The following SH3GL2 variants were observed in gnomAD, a reference collection of about 807,000 sequenced individuals.
The protein encoded by SH3GL2 is endophilin-A1.
In SH3GL2, 24 loss-of-function variants were observed where a neutral mutation model predicts 46.0. The ratio of observed to expected loss-of-function variants is 0.52; its 90% CI spans 0.38 to 0.73. The LOEUF is 0.73. Among genes scored for constraint, SH3GL2 ranks in the 30% least tolerant of loss-of-function variants. The pLI, the probability that SH3GL2 is intolerant of heterozygous loss-of-function variation, is 0.00. For missense variants in SH3GL2, 413 were observed against 424.2 expected (o/e 0.97, Z 0.23); for synonymous variants, 196 against 147.1 (o/e 1.33, Z -2.40).
intron 1 of SH3GL2, among the ~76,000 whole-genome samples, chr9:17,636,758 C>T (rs991404597): frequency 1.8e-4 from 27 of 152,178 alleles, no homozygotes; most frequent in Non-Finnish European, 3.4e-4. Context: ...GTCCACTGTA[C>T]GTACTACTTA....
chr9:17,635,942 A>G lies in SH3GL2; in HGVS notation c.45+56655A>G, dbSNP rs578200488. On this transcript the variant is annotated intron_variant, in intron 1 of 8. Transcript: ENST00000380607. Reference sequence around the variant, plus strand: ...GCCTGGTCACAGCAGCAAGTAACCAAGAGGTCCTAAATGCAGTGTCCAAAC... The same window carrying G: ...GCCTGGTCACAGCAGCAAGTAACCAGGAGGTCCTAAATGCAGTGTCCAAAC... 7.2e-4 allele frequency among the ~76,000 whole-genome samples: 109 copies of G among 152,334 alleles called. 1 individual carries two copies. The highest frequency in any genetic ancestry group is 2.5e-3 in the African/African-American group (106 of 41,576).
At chr9:17,626,757 T>C (rs1181708325) in intron 1 of SH3GL2, among the ~76,000 whole-genome samples, 1 of 152,212 alleles carries the variant, frequency 6.6e-6, no homozygotes, top group Non-Finnish European at 1.5e-5. Flanking sequence ...ACAGTCCCTC[T>C]CCAAAGTATG....
At chr9:17,686,683 G>GCA (rs1563812248) in intron 1 of SH3GL2, among the ~76,000 whole-genome samples, 2 of 144,544 alleles carry the variant, frequency 1.4e-5, no homozygotes, top group African/African-American at 5.1e-5. Flanking sequence ...GTAAACTATC[G>GCA]CAAGAACAAA....
chr9:17,580,525 C>T (rs1400899083), intron 1 of SH3GL2, among the ~76,000 whole-genome samples: 1 of 152,170 alleles, frequency 6.6e-6, no homozygotes, highest in African/African-American at 2.4e-5. Context: ...ATCAATTATA[C>T]CTGTCAACTT....
chr9:17,584,039 C>T (rs545805737), intron 1 of SH3GL2, among the ~76,000 whole-genome samples: 5 of 152,226 alleles, frequency 3.3e-5, no homozygotes, highest in Admixed American at 1.3e-4. Flanking sequence ...TACACCTGTA[C>T]CCTTTCACAT....
chr9:17,685,931 A>C (rs1820895770), intron 1 of SH3GL2, among the ~76,000 whole-genome samples: 1 of 151,106 alleles, frequency 6.6e-6, no homozygotes, highest in Non-Finnish European at 1.5e-5. Flanking sequence ...CAAAAGACAA[A>C]ATTGACAAAT....
At chr9:17,618,885 GAA>G (rs1259683666) in intron 1 of SH3GL2, among the ~76,000 whole-genome samples, 1 of 151,810 alleles carries the variant, frequency 6.6e-6, no homozygotes, top group Non-Finnish European at 1.5e-5. Flanking sequence ...GAGAGAGAGA[GAA>G]AGAGAGAAAC....
intron 1 of SH3GL2, among the ~76,000 whole-genome samples, chr9:17,609,682 C>T (rs895918101): frequency 2.0e-5 from 3 of 152,156 alleles, no homozygotes; most frequent in South Asian, 2.1e-4. Flanking sequence ...GTACTTGATA[C>T]GGCTTTGGGG....
At position 17,786,525 on chromosome 9, in the gene SH3GL2, G is replaced by A. The variant is rs1299150995; in HGVS notation, c.331+1G>A. 1 of 1,612,974 alleles carries A rather than the reference G, an allele frequency of 6.2e-7. No homozygotes were observed. Among genetic ancestry groups the A allele is most frequent in the Admixed American group, 1.7e-5 (1 of 59,868 alleles). On this transcript the variant is annotated splice_donor_variant, in intron 4 of 8. Transcript: ENST00000380607. LOFTEE classifies it high-confidence loss of function. The stretch of plus-strand genomic sequence containing the variant: ...GAGCTTGGAGATGATTGCAACTTTG[G>A]TAACAAGTGCTTCCTCACATTGTAA...
chr9:17,661,850 A>G (rs1820224105), intron 1 of SH3GL2, among the ~76,000 whole-genome samples: 1 of 152,208 alleles, frequency 6.6e-6, no homozygotes, highest in Non-Finnish European at 1.5e-5. Flanking sequence ...TATGTAACAT[A>G]ACTTAATGAG....
At chr9:17,619,442 C>T (rs1588178083) in intron 1 of SH3GL2, among the ~76,000 whole-genome samples, 1 of 152,274 alleles carries the variant, frequency 6.6e-6, no homozygotes, top group East Asian at 1.9e-4. Flanking sequence ...CTTTGGGAGG[C>T]TGAGCCAGGC....
chr9:17,646,568 A>G (rs1249144310), intron 1 of SH3GL2, among the ~76,000 whole-genome samples: 1 of 152,082 alleles, frequency 6.6e-6, no homozygotes, highest in African/African-American at 2.4e-5. Flanking sequence ...TTGCGTGGTC[A>G]TGCTTTTTGT....
chr9:17,666,207 T>A (rs1336694974), intron 1 of SH3GL2, among the ~76,000 whole-genome samples: 1 of 151,960 alleles, frequency 6.6e-6, no homozygotes, highest in East Asian at 1.9e-4. Context: ...TAGTTCCTTT[T>A]TTCCTCTCTT....
chr9:17,743,426 G>T (rs1272690436), intron 1 of SH3GL2, among the ~76,000 whole-genome samples: 3 of 151,950 alleles, frequency 2.0e-5, no homozygotes, highest in African/African-American at 4.8e-5. Flanking sequence ...AACATCATTC[G>T]CTATATTTGG....
At position 17,717,591 on chromosome 9, in the gene SH3GL2, C is replaced by G. The variant is rs532276696; in HGVS notation, c.46-29475C>G. 3.3e-5 allele frequency among the ~76,000 whole-genome samples: 5 copies of G among 152,182 alleles called. No individual in the cohort carries two copies. The East Asian group carries it at 9.7e-4, about 29-fold the overall frequency. On this transcript the variant is annotated intron_variant, in intron 1 of 8. Coordinates refer to ENST00000380607, the MANE Select transcript of SH3GL2 (RefSeq NM_003026.5). ...ACTGAGTCAGATACCATGCCAGATGCTCAGGATGCAGAAGAGAATATGCCC... is the reference window on the plus strand; with the variant it reads ...ACTGAGTCAGATACCATGCCAGATGGTCAGGATGCAGAAGAGAATATGCCC...
chr9:17,656,459 A>T (rs1387332577), intron 1 of SH3GL2, among the ~76,000 whole-genome samples: 1 of 152,116 alleles, frequency 6.6e-6, no homozygotes, highest in Non-Finnish European at 1.5e-5. Context: ...TGCTTTGTAG[A>T]TTGCAAGTAA....
chr9:17,787,520 A>G lies in SH3GL2; in HGVS notation c.465+7A>G, dbSNP rs1823995949. 6.2e-7 allele frequency: 1 copy of G among 1,610,486 alleles called. No individual in the cohort carries two copies. The highest frequency in any genetic ancestry group is 8.5e-7 in the Non-Finnish European group (1 of 1,177,664). On this transcript the variant is annotated splice_region_variant and intron_variant, in intron 5 of 8. Transcript: ENST00000380607. ...AGATCTTAGGGAAATTCAAGTATGT[A>G]CAATGAGTCTTCTGGAAAGTGGGCA... is the stretch of plus-strand genomic sequence containing the variant.
intron 1 of SH3GL2, among the ~76,000 whole-genome samples, chr9:17,733,248 C>T: frequency 6.7e-6 from 1 of 148,240 alleles, no homozygotes; most frequent in South Asian, 2.1e-4. Context: ...CTCTCACATT[C>T]TCTTTTTTTA....
At chr9:17,656,633 G>C (rs1223067294) in intron 1 of SH3GL2, among the ~76,000 whole-genome samples, 1 of 151,978 alleles carries the variant, frequency 6.6e-6, no homozygotes, top group Non-Finnish European at 1.5e-5. Context: ...AGTGGTAGCT[G>C]TTGAAATTAT....
Sources: gnomAD v4.1 joint callset for allele counts (sites outside exome capture counted in the v4.1 genomes callset) on GRCh38, gnomAD v4.1.1 for gene constraint, MANE v1.5 for transcripts, NCBI Gene and HGNC (gene_info 2026-07-23, HGNC 2026-07-21) for gene names.